The following ESR1 variants were observed in gnomAD, a reference collection of about 807,000 sequenced individuals.
ESR1 encodes estrogen receptor.
Under a neutral mutation model 52.7 loss-of-function variants are expected in ESR1, and 12 were observed. The observed-to-expected ratio is 0.23, with a 90% CI of 0.15 to 0.37. ESR1 has a LOEUF of 0.37. Ranked by LOEUF, ESR1 falls within the 10% of genes least tolerant of loss-of-function variation. The pLI, the probability that ESR1 is intolerant of heterozygous loss-of-function variation, is 1.00. For missense variants in ESR1, 584 were observed against 779.7 expected (o/e 0.75, Z 2.99); for synonymous variants, 305 against 316.8 (o/e 0.96, Z 0.39).
chr6:151,660,004 T>C (rs1308691360), intron 1 of ESR1, among the ~76,000 whole-genome samples: 2 of 152,250 alleles, frequency 1.3e-5, no homozygotes, highest in African/African-American at 4.8e-5. Flanking sequence ...ACTTACCGTA[T>C]GTCCATTTTA....
At position 151,807,902 on chromosome 6, in the gene ESR1, G is replaced by A. The variant is rs376805446; in HGVS notation, c.-11G>A. The A allele has an allele frequency of 9.3e-6, 15 of 1,612,604 alleles. No homozygotes were observed. Among genetic ancestry groups the A allele is most frequent in the Middle Eastern group, 1.6e-4 (1 of 6,080 alleles). ...GGGACACGGTCTGCACCCTGCCCGC[G>A]GCCACGGACCATGACCATGACCCTC... is the stretch of plus-strand genomic sequence containing the variant. On this transcript the variant is annotated 5_prime_UTR_variant, in exon 1 of 8. Transcript: ENST00000206249.
chr6:151,857,353 T>A (rs1788030520), intron 2 of ESR1, among the ~76,000 whole-genome samples: 1 of 152,036 alleles, frequency 6.6e-6, no homozygotes, highest in Non-Finnish European at 1.5e-5. Context: ...AAATATTATG[T>A]CATTTTATAT....
At chr6:152,003,340 ATGTGTGTG>A (rs60787638) in intron 4 of ESR1, among the ~76,000 whole-genome samples, 13 of 145,644 alleles carry the variant, frequency 8.9e-5, no homozygotes, top group African/African-American at 2.8e-4. Flanking sequence ...AAGGGTAATT[ATGTGTGTG>A]TGTGTGTGTG....
Position 151,837,296 on chromosome 6 carries a change from C to G in ESR1, c.453-5301C>G, listed in dbSNP as rs141573016. On this transcript the variant is annotated intron_variant, in intron 1 of 7. Transcript: ENST00000206249. The stretch of plus-strand genomic sequence containing the variant: ...TGTATTTTTACCAGAGATGGGGTTT[C>G]ACCATCTCGGCCAGGCTGGTCTTGA... Among the ~76,000 whole-genome samples, 965 of 152,052 alleles carry G rather than the reference C, an allele frequency of 6.3e-3. 8 individuals carry two copies. The highest frequency in any genetic ancestry group is 0.021 in the African/African-American group (886 of 41,482).
rs2152496408 is a variant in ESR1, at chr6:152,094,506, G to T, written c.1491G>T (p.Leu497=). The part of the protein sequence containing the change: ...IHLMAKAGLT[L]QQQHQRLAQL... ...TGATGGCCAAGGCAGGCCTGACCCT[G>T]CAGCAGCAGCACCAGCGGCTGGCCC... Residue 497 remains leucine, a synonymous_variant, in exon 7 of 8, where the codon CTG becomes CTT. Transcript: ENST00000206249. The surrounding 1 kb of genome is among the most constrained non-coding windows in gnomAD (Gnocchi z 4.6). The T allele has an allele frequency of 1.9e-6, 3 of 1,614,066 alleles. No individual in the cohort carries two copies. The highest frequency in any genetic ancestry group is 2.2e-5 in the East Asian group (1 of 44,858).
At position 152,094,165 on chromosome 6, in the gene ESR1, C is replaced by A. The variant is rs2050428136; in HGVS notation, c.1370-220C>A. Among the ~76,000 whole-genome samples, 1 of 152,184 alleles carries A rather than the reference C, an allele frequency of 6.6e-6. No individual in the cohort carries two copies. The highest frequency in any genetic ancestry group is 2.4e-5 in the African/African-American group (1 of 41,438). On this transcript the variant is annotated intron_variant, in intron 6 of 7. Transcript: ENST00000206249. This position sits in a 1 kb window ranked among gnomAD's most constrained non-coding sequence, Gnocchi z 4.6. ...GCCCCTTTCTGGGTCATGGCTCATA[C>A]AAAGGAGCCCTCCTTGGTTTGCTGG...
At chr6:151,980,501 A>G (rs2128671277) in intron 4 of ESR1, among the ~76,000 whole-genome samples, 1 of 152,294 alleles carries the variant, frequency 6.6e-6, no homozygotes, top group East Asian at 1.9e-4. Flanking sequence ...GTTTGTTTGA[A>G]CAAAAATCAA....
At chr6:152,010,445 A>G (rs1252742963) in intron 4 of ESR1, among the ~76,000 whole-genome samples, 2 of 152,086 alleles carry the variant, frequency 1.3e-5, no homozygotes, top group Non-Finnish European at 2.9e-5. Flanking sequence ...ATTCCCATGG[A>G]TAAGAGGGAA....
At chr6:151,932,023 G>A (rs879382692) in intron 3 of ESR1, among the ~76,000 whole-genome samples, 2,615 of 148,928 alleles carry the variant, frequency 0.018, 45 homozygotes, top group East Asian at 0.083. Context: ...CTGAGGAATC[G>A]CCACACTGAC....
upstream of ESR1, chr6:151,807,133 C>G (rs1368842543): frequency 6.6e-6 from 1 of 152,506 alleles, no homozygotes; most frequent in Non-Finnish European, 1.5e-5. Flanking sequence ...CGCCCCCTTC[C>G]CCTCAGATGC....
chr6:152,054,882 A>T (rs901896480), intron 5 of ESR1, among the ~76,000 whole-genome samples: 12 of 152,192 alleles, frequency 7.9e-5, no homozygotes, highest in Admixed American at 2.0e-4. Context: ...TGATCATGCC[A>T]GTTGGAAATG....
At chr6:151,755,413 A>G (rs1282884422) in intron 2 of ESR1, among the ~76,000 whole-genome samples, 2 of 152,058 alleles carry the variant, frequency 1.3e-5, no homozygotes, top group African/African-American at 2.4e-5. Flanking sequence ...GCTCATCTAA[A>G]CATCAGAGTA....
At chr6:151,693,913 C>T (rs752199244) in intron 1 of ESR1, among the ~76,000 whole-genome samples, 15 of 152,190 alleles carry the variant, frequency 9.9e-5, no homozygotes, top group Non-Finnish European at 1.9e-4. Context: ...CCAGCATACC[C>T]GGTTGTATGC....
chr6:151,686,095 A>G (rs554618596), upstream of ESR1, among the ~76,000 whole-genome samples: 3 of 107,832 alleles, frequency 2.8e-5, no homozygotes, highest in East Asian at 5.7e-4. Context: ...TTTTATTTAG[A>G]GACGGGGTCT....
intron 4 of ESR1, among the ~76,000 whole-genome samples, chr6:151,998,137 A>G (rs1339733029): frequency 6.6e-6 from 1 of 152,098 alleles, no homozygotes; most frequent in Non-Finnish European, 1.5e-5. Flanking sequence ...TTGCTCTCAT[A>G]TGTTATGGCT....
chr6:151,660,576 T>C (rs1200508166), intron 1 of ESR1, among the ~76,000 whole-genome samples: 1 of 152,190 alleles, frequency 6.6e-6, no homozygotes, highest in Non-Finnish European at 1.5e-5. Context: ...AGTCCAGCCA[T>C]TAAAATTTGA....
chr6:151,872,979 A>AT (rs1430668794), intron 2 of ESR1, among the ~76,000 whole-genome samples: 1 of 152,244 alleles, frequency 6.6e-6, no homozygotes, highest in Non-Finnish European at 1.5e-5. Context: ...GATATGTTAA[A>AT]TAGAAGACAG....
intron 6 of ESR1, among the ~76,000 whole-genome samples, chr6:152,123,989 C>A (rs997433505): frequency 1.3e-5 from 2 of 152,122 alleles, no homozygotes; most frequent in South Asian, 4.1e-4. Context: ...TAGAAGGGAA[C>A]AGAGGGAGTA....
chr6:151,707,098 A>G (rs1169138636), intron 2 of ESR1, among the ~76,000 whole-genome samples: 2 of 152,228 alleles, frequency 1.3e-5, no homozygotes, highest in African/African-American at 4.8e-5. Context: ...GCCTCTGAAC[A>G]TGTAGAATTG....
Sources: gnomAD v4.1 joint callset for allele counts (sites outside exome capture counted in the v4.1 genomes callset) on GRCh38, gnomAD v4.1.1 for gene constraint, Gnocchi (gnomAD v3.1) non-coding constraint, MANE v1.5 for transcripts, NCBI Gene and HGNC (gene_info 2026-07-23, HGNC 2026-07-21) for gene names.